MZT2A: variants seen among roughly 807,000 people sequenced by gnomAD.
MZT2A encodes mitotic spindle organizing protein 2A, also known as mitotic-spindle organizing protein 2A.
In MZT2A, 8 loss-of-function variants were observed where a neutral mutation model predicts 12.4. The observed-to-expected ratio is 0.64, with a 90% CI of 0.38 to 1.16. The LOEUF is 1.16. Ranked by LOEUF, MZT2A falls within the 50% of genes most tolerant of loss-of-function variation. The probability of loss-of-function intolerance (pLI) is 0.01; values close to 1 mark genes in which losing one functional copy is unlikely to be tolerated. For synonymous variants in MZT2A, 88 were observed against 107.5 expected (o/e 0.82, Z 1.12); for missense variants, 181 against 223.6 (o/e 0.81, Z 1.22).
Position 131,491,871 on chromosome 2 carries a change from C to A in MZT2A, c.319+5G>T, listed in dbSNP as rs577328841. ...TGGGGCAGGGACAGCGGGCCCAGCTCTGACCTCGGGTCTCGGGCACGCTCG... is the reference window on the plus strand; with the variant it reads ...TGGGGCAGGGACAGCGGGCCCAGCTATGACCTCGGGTCTCGGGCACGCTCG... On this transcript the variant is annotated splice_donor_5th_base_variant and intron_variant, in intron 2 of 2. Coordinates refer to ENST00000309451, the MANE Select transcript of MZT2A (RefSeq NM_001085365.2). 200 of 1,479,908 alleles carry A rather than the reference C, an allele frequency of 1.4e-4. 1 individual carries two copies. In the East Asian group the frequency reaches 4.9e-3, roughly 36 times the overall value. The allele number at this position is 1,479,908 out of a possible 1,614,324, so 91.7% of individuals were successfully genotyped here. A position where few individuals can be genotyped will look rare whatever the true frequency, so the allele number is the denominator to read the frequency against.
intron 2 of MZT2A, chr2:131,490,981 A>T: frequency 6.5e-7 from 1 of 1,545,430 alleles, no homozygotes; most frequent in Admixed American, 2.0e-5. Context: ...CTCTTGGGTC[A>T]GCGGGCGTGG....
downstream of MZT2A, among the ~76,000 whole-genome samples, chr2:131,482,139 G>A (rs1215682479): frequency 6.6e-6 from 1 of 152,136 alleles, no homozygotes; most frequent in Non-Finnish European, 1.5e-5. Context: ...GTCAGAAGTG[G>A]GTATGATGTT....
chr2:131,470,182 C>T (rs1704953563), intron 4 of MZT2A: 2 of 372,232 alleles, frequency 5.4e-6, no homozygotes, highest in South Asian at 4.2e-5. Context: ...TGGCTACTTC[C>T]ATCTCCTCCT....
At chr2:131,485,326 C>A (rs966758550) in intron 2 of MZT2A, among the ~76,000 whole-genome samples, 1 of 152,166 alleles carries the variant, frequency 6.6e-6, no homozygotes. Flanking sequence ...CTTGCATGTT[C>A]CCAGACACTG....
At chr2:131,492,854 T>C (rs1473044602), upstream of MZT2A, 1 of 1,484,496 alleles carries the variant, frequency 6.7e-7, no homozygotes, top group Non-Finnish European at 9.0e-7. Flanking sequence ...AGAAAGTGCG[T>C]GAGCCCTACC....
intron 2 of MZT2A, among the ~76,000 whole-genome samples, chr2:131,488,418 G>A (rs1679141179): frequency 6.6e-6 from 1 of 152,152 alleles, no homozygotes; most frequent in South Asian, 2.1e-4. Context: ...CAGGCATCCA[G>A]AGGACCCAGG....
At chr2:131,472,289 G>C (rs1705004450) in intron 2 of MZT2A, 2 of 1,003,804 alleles carry the variant, frequency 2.0e-6, no homozygotes, top group Admixed American at 2.9e-5. Context: ...TAATTCACAG[G>C]ACTCTTTTTA....
chr2:131,471,361 T>C (rs2105262766), intron 3 of MZT2A, among the ~76,000 whole-genome samples: 1 of 137,580 alleles, frequency 7.3e-6, no homozygotes, highest in Non-Finnish European at 1.5e-5. Flanking sequence ...AGTGTATAAA[T>C]GAATGTATTT....
chr2:131,488,983 T>C (rs1679171211), intron 2 of MZT2A, among the ~76,000 whole-genome samples: 1 of 125,340 alleles, frequency 8.0e-6, no homozygotes, highest in African/African-American at 3.1e-5. Flanking sequence ...AACCCCCACA[T>C]ACATCTTGAC....
At chr2:131,484,735 GCT>G (rs1678988903) in intron 2 of MZT2A, among the ~76,000 whole-genome samples, 1 of 152,180 alleles carries the variant, frequency 6.6e-6, no homozygotes, top group East Asian at 1.9e-4. Flanking sequence ...GATTTTGGAA[GCT>G]CTTTCATTGT....
Position 131,483,963 on chromosome 2 carries a change from C to T in MZT2A, c.*98G>A, listed in dbSNP as rs1423852329. ...AAAAAAAACAGTAGAGAGCATCTGA[C>T]CTGGACCCTCTGCATCTCAGAAAGG... On this transcript the variant is annotated 3_prime_UTR_variant, in exon 3 of 3. Transcript: ENST00000309451. The T allele has an allele frequency of 4.7e-6, 7 of 1,499,872 alleles. No individual in the cohort carries two copies. Among genetic ancestry groups the T allele is most frequent in the African/African-American group, 4.3e-5 (3 of 70,384 alleles). 92.9% of individuals were successfully genotyped at this position (1,499,872 alleles called of 1,614,324 possible). A position where few individuals can be genotyped will look rare whatever the true frequency, so the allele number is the denominator to read the frequency against.
rs1366187125 is a variant in MZT2A, at chr2:131,492,263, C to A, written c.114G>T (p.Met38Ile). The A allele has an allele frequency of 5.7e-6, 9 of 1,583,340 alleles. No homozygotes were observed. In the Admixed American group the frequency reaches 1.2e-4, roughly 21 times the overall value. Reference protein sequence around the residue: ...RRKKVLSTEEMELYELAQAAG... With the variant: ...RRKKVLSTEEIELYELAQAAG... ...CCGCCTGAGCCAGCTCGTACAGCTCCATCTCCTCGGTGCTCAGCACCTTCT... is the reference window on the plus strand; with the variant it reads ...CCGCCTGAGCCAGCTCGTACAGCTCAATCTCCTCGGTGCTCAGCACCTTCT... Residue 38 changes from methionine (M) to isoleucine (I), a missense_variant, in exon 1 of 3, where the codon ATG becomes ATT. By Grantham distance (10) the Met-to-Ile change is conservative. Transcript: ENST00000309451.
At chr2:131,475,946 A>AC (rs200788139) in intron 2 of MZT2A, 3 of 651,616 alleles carry the variant, frequency 4.6e-6, no homozygotes, top group East Asian at 2.8e-5. Context: ...GCCTTTGATG[A>AC]CCCCCGCTGC....
intron 2 of MZT2A, among the ~76,000 whole-genome samples, chr2:131,489,020 C>T (rs1679173457): frequency 6.6e-6 from 1 of 151,888 alleles, no homozygotes; most frequent in East Asian, 1.9e-4. Flanking sequence ...CCTCCTCCTG[C>T]CCTGGGCCTA....
At chr2:131,487,477 AAAAT>A (rs994371038) in intron 2 of MZT2A, among the ~76,000 whole-genome samples, 5 of 152,222 alleles carry the variant, frequency 3.3e-5, no homozygotes, top group South Asian at 2.1e-4. Context: ...GACTGTCTCA[AAAAT>A]AAATAAATAA....
chr2:131,477,262 T>C (rs563686424), intron 2 of MZT2A, among the ~76,000 whole-genome samples: 125 of 151,996 alleles, frequency 8.2e-4, no homozygotes, highest in African/African-American at 2.9e-3. Context: ...GGTCTCAAAC[T>C]GGTCCCAAGT....
downstream of MZT2A, chr2:131,480,704 C>A (rs931884668): frequency 2.5e-6 from 4 of 1,612,940 alleles, no homozygotes; most frequent in African/African-American, 5.4e-5. Context: ...CCATCAAGAC[C>A]AAGCGCACCA....
intron 2 of MZT2A, among the ~76,000 whole-genome samples, chr2:131,486,757 T>C (rs1389846744): frequency 1.3e-5 from 2 of 152,042 alleles, no homozygotes; most frequent in East Asian, 1.9e-4. Flanking sequence ...TCGATGTAGC[T>C]GGGACTACAA....
upstream of MZT2A, chr2:131,492,848 A>G: frequency 1.4e-6 from 2 of 1,478,570 alleles, no homozygotes; most frequent in East Asian, 5.9e-5. Flanking sequence ...CTAGGGAGAA[A>G]GTGCGTGAGC....
Sources: allele counts gnomAD v4.1 joint callset (sites outside exome capture counted in the v4.1 genomes callset), GRCh38; gene constraint gnomAD v4.1.1; transcripts MANE v1.5; gene names NCBI Gene and HGNC (gene_info 2026-07-23, HGNC 2026-07-21).